The following PDE11A variants were observed in gnomAD, a reference collection of about 807,000 sequenced individuals.
PDE11A encodes the protein dual 3',5'-cyclic-AMP and -GMP phosphodiesterase 11A.
A neutral mutation model predicts 100.5 loss-of-function variants in PDE11A; 100 were observed. That is an observed-to-expected ratio of 1.00 (90% CI 0.85 to 1.18). The LOEUF is 1.18. Among genes scored for constraint, PDE11A ranks in the 50% most tolerant of loss-of-function variants. The pLI is 0.00. For synonymous variants in PDE11A, 381 were observed against 420.8 expected, an observed-to-expected ratio of 0.91 and a Z score of 1.16; for missense variants, 1,141 against 1,152.6, an observed-to-expected ratio of 0.99 and a Z score of 0.15.
intron 19 of PDE11A, among the ~76,000 whole-genome samples, chr2:177,632,290 CTG>C (rs1269789256): frequency 5.3e-5 from 8 of 152,158 alleles, no homozygotes; most frequent in Non-Finnish European, 8.8e-5. Context: ...TTTTTAGAGA[CTG>C]TGATGATGAT....
At chr2:177,841,005 C>CA (rs2083482992) in intron 5 of PDE11A, among the ~76,000 whole-genome samples, 1 of 152,178 alleles carries the variant, frequency 6.6e-6, no homozygotes. Flanking sequence ...ATACCACTTA[C>CA]AAAATCTCAC....
chr2:178,071,779 C>T lies in PDE11A; in HGVS notation c.659G>A (p.Ser220Asn). Residue 220 changes from serine to asparagine, a missense_variant, in exon 1 of 20, where the codon AGC becomes AAC. Physicochemically the swap from Ser to Asn is conservative, Grantham distance 46 (BLOSUM62 1). Transcript: ENST00000286063. The stretch of plus-strand genomic sequence containing the variant: ...AAAGATGAGAATCTTGTAGCTCAGG[C>T]TGGTGAGGTCAAGGTCATTGGAGAT... ...KDISNDLDLT[S>N]LSYKILIFVC... is the part of the protein sequence containing the mutation. 7.4e-6 allele frequency: 12 copies of T among 1,613,660 alleles called. No homozygotes were observed. The highest frequency in any genetic ancestry group is 9.3e-6 in the Non-Finnish European group (11 of 1,179,584).
At chr2:177,842,073 C>G (rs2083500139) in intron 5 of PDE11A, among the ~76,000 whole-genome samples, 1 of 152,190 alleles carries the variant, frequency 6.6e-6, no homozygotes, top group African/African-American at 2.4e-5. Context: ...AGGGTATGGG[C>G]TAAATTCTGA....
intron 1 of PDE11A, among the ~76,000 whole-genome samples, chr2:178,027,801 T>A (rs2086496339): frequency 6.6e-6 from 1 of 152,186 alleles, no homozygotes; most frequent in East Asian, 1.9e-4. Flanking sequence ...ATGGATGGAT[T>A]TTTCAACTCT....
At chr2:177,973,134 G>A (rs1048649479) in intron 2 of PDE11A, among the ~76,000 whole-genome samples, 11 of 151,286 alleles carry the variant, frequency 7.3e-5, no homozygotes, top group East Asian at 5.9e-4. Flanking sequence ...CAGCGTGAGC[G>A]ACGCAGAAGA....
In PDE11A at chr2:177,898,185, A is replaced by C; in HGVS notation, c.1175T>G (p.Val392Gly). 1 of 1,608,092 alleles carries C rather than the reference A, an allele frequency of 6.2e-7. No individual in the cohort carries two copies. The highest frequency in any genetic ancestry group is 8.5e-7 in the Non-Finnish European group (1 of 1,174,570). The change falls in exon 4 of 20, where the codon GTG becomes GGG. Residue 392 changes from valine (V) to glycine (G), a missense_variant. By Grantham distance (109) the Val-to-Gly change is moderately radical (BLOSUM62 -3). Transcript: ENST00000286063. ...CTGTTCTTCAAAGAGGTCATTAACC[A>C]CCTCTAGCAAAGCCTAGAAAAGATG... ...EYERSRALLE[V>G]VNDLFEEQTD...
intron 9 of PDE11A, among the ~76,000 whole-genome samples, chr2:177,805,054 G>T (rs2082849280): frequency 6.7e-6 from 1 of 150,366 alleles, no homozygotes; most frequent in Non-Finnish European, 1.5e-5. Context: ...TAAGAAATCT[G>T]CACTTGTACT....
At position 177,767,494 on chromosome 2, in the gene PDE11A, G is replaced by A. The variant is rs184601249; in HGVS notation, c.1788+1829C>T. Among the ~76,000 whole-genome samples the A allele has an allele frequency of 1.4e-4, 21 of 151,910 alleles. No homozygotes were observed. The East Asian group carries it at 3.9e-3, about 28-fold the overall frequency. On this transcript the variant is annotated intron_variant, in intron 10 of 19. Coordinates refer to ENST00000286063, the MANE Select transcript of PDE11A (RefSeq NM_016953.4). ...AGCAATGATGATAATTATAACAACAGCAAAAATATAATATAAACATTACAT... is the reference window on the plus strand; with the variant it reads ...AGCAATGATGATAATTATAACAACAACAAAAATATAATATAAACATTACAT...
intron 2 of PDE11A, among the ~76,000 whole-genome samples, chr2:177,981,301 A>C (rs532260605): frequency 6.6e-6 from 1 of 150,670 alleles, no homozygotes; most frequent in African/African-American, 2.4e-5. Context: ...TAGGTGGCTT[A>C]GAACGACTGA....
At chr2:178,020,542 A>T (rs1017730123) in intron 1 of PDE11A, among the ~76,000 whole-genome samples, 2 of 152,222 alleles carry the variant, frequency 1.3e-5, no homozygotes, top group Admixed American at 6.5e-5. Flanking sequence ...CTGTAATGCC[A>T]GCACTTTGGG....
intron 9 of PDE11A, among the ~76,000 whole-genome samples, chr2:177,782,778 C>A (rs1186602671): frequency 6.6e-6 from 1 of 151,910 alleles, no homozygotes; most frequent in Non-Finnish European, 1.5e-5. Context: ...TTCCCTACTT[C>A]CTTCCTTTCT....
intron 19 of PDE11A, among the ~76,000 whole-genome samples, chr2:177,631,496 AAAAAAAAAAAAAAAAAAT>A (rs1169506190): frequency 3.7e-5 from 1 of 26,770 alleles, no homozygotes; most frequent in African/African-American, 1.3e-4. Context: ...AAAAAAAAAA[AAAAAAAAAAAAAAAAAAT>A]ATATATATAT....
chr2:178,032,877 AC>A (rs555291807), intron 1 of PDE11A, among the ~76,000 whole-genome samples: 167 of 152,252 alleles, frequency 1.1e-3, no homozygotes, highest in African/African-American at 3.9e-3. Context: ...CCACACAAAA[AC>A]CCCATCCAAA....
At chr2:177,895,378 C>T (rs2084594804) in intron 4 of PDE11A, among the ~76,000 whole-genome samples, 1 of 152,002 alleles carries the variant, frequency 6.6e-6, no homozygotes, top group South Asian at 2.1e-4. Context: ...CATGGCGAAA[C>T]TCTGACTCTA....
intron 10 of PDE11A, among the ~76,000 whole-genome samples, chr2:177,759,930 T>A (rs925510730): frequency 2.6e-5 from 4 of 152,232 alleles, no homozygotes; most frequent in Non-Finnish European, 5.9e-5. Flanking sequence ...TTACCATTCA[T>A]GCTTATTTGA....
intron 10 of PDE11A, among the ~76,000 whole-genome samples, chr2:177,745,824 T>C (rs898991314): frequency 4.5e-4 from 69 of 152,120 alleles, no homozygotes; most frequent in African/African-American, 1.5e-3. Flanking sequence ...GCGGGCTGAG[T>C]CCTCCTCCAC....
intron 8 of PDE11A, among the ~76,000 whole-genome samples, chr2:177,817,533 T>A (rs1301561898): frequency 6.6e-6 from 1 of 152,160 alleles, no homozygotes; most frequent in East Asian, 1.9e-4. Context: ...GCAGCACGCC[T>A]GGCAGAGCTG....
intron 10 of PDE11A, among the ~76,000 whole-genome samples, chr2:177,758,577 G>T (rs560396153): frequency 6.6e-6 from 1 of 152,212 alleles, no homozygotes; most frequent in Non-Finnish European, 1.5e-5. Context: ...TGCATTGAAG[G>T]AATAGAGTGC....
chr2:177,957,469 A>G (rs1262906223), intron 2 of PDE11A, among the ~76,000 whole-genome samples: 1 of 152,252 alleles, frequency 6.6e-6, no homozygotes, highest in African/African-American at 2.4e-5. Flanking sequence ...TCAGGAAGAA[A>G]TGAAATCCCA....
Sources: allele counts gnomAD v4.1 joint callset (sites outside exome capture counted in the v4.1 genomes callset), GRCh38; gene constraint gnomAD v4.1.1; transcripts MANE v1.5; gene names NCBI Gene and HGNC (gene_info 2026-07-23, HGNC 2026-07-21).